AVEN: variants seen among roughly 807,000 people sequenced by gnomAD.
AVEN encodes the protein cell death regulator Aven.
A neutral mutation model predicts 38.1 loss-of-function variants in AVEN; 41 were observed. That is an observed-to-expected ratio of 1.08 (90% CI 0.84 to 1.40). The LOEUF is 1.40. AVEN is among the 40% of genes most tolerant of loss of function. The pLI, the probability that AVEN is intolerant of heterozygous loss-of-function variation, is 0.00. For missense variants in AVEN, 605 were observed against 438.8 expected, an observed-to-expected ratio of 1.38 and a Z score of -3.38; for synonymous variants, 206 against 171.8, an observed-to-expected ratio of 1.20 and a Z score of -1.56.
chr15:33,964,487 T>C (rs191072412), intron 2 of AVEN, among the ~76,000 whole-genome samples: 28 of 152,268 alleles, frequency 1.8e-4, no homozygotes, highest in South Asian at 2.1e-4. Context: ...AATCTTTTTT[T>C]CTCCAACAAA....
chr15:33,949,200 T>C (rs1038501342), intron 2 of AVEN, among the ~76,000 whole-genome samples: 1 of 151,102 alleles, frequency 6.6e-6, no homozygotes, highest in Non-Finnish European at 1.5e-5. Flanking sequence ...ATTTTTTGCA[T>C]TTTTTTTAGT....
intron 2 of AVEN, among the ~76,000 whole-genome samples, chr15:33,903,758 A>G (rs1373680296): frequency 7.9e-6 from 1 of 126,946 alleles, no homozygotes; most frequent in Non-Finnish European, 1.8e-5. Context: ...TATATATTGT[A>G]TATGTGTATA....
At chr15:34,019,438 TA>T (rs924369477) in intron 1 of AVEN, among the ~76,000 whole-genome samples, 1 of 152,176 alleles carries the variant, frequency 6.6e-6, no homozygotes, top group African/African-American at 2.4e-5. Context: ...GCTAATTATT[TA>T]AAAAAAGCAT....
At chr15:33,868,249 C>A (rs147818818) in intron 4 of AVEN, among the ~76,000 whole-genome samples, 1 of 152,090 alleles carries the variant, frequency 6.6e-6, no homozygotes, top group Non-Finnish European at 1.5e-5. Flanking sequence ...AGTGGCCAGG[C>A]GCAGTGGCTC....
At chr15:33,978,098 T>C (rs1363478255) in intron 2 of AVEN, among the ~76,000 whole-genome samples, 1 of 152,070 alleles carries the variant, frequency 6.6e-6, no homozygotes, top group Non-Finnish European at 1.5e-5. Flanking sequence ...ACTATGTCTA[T>C]ATAAAACTAT....
At chr15:33,878,094 A>C (rs1279593835) in intron 2 of AVEN, among the ~76,000 whole-genome samples, 1 of 152,234 alleles carries the variant, frequency 6.6e-6, no homozygotes, top group Non-Finnish European at 1.5e-5. Flanking sequence ...AAAAAGGAAG[A>C]CAAAAAACTC....
intron 2 of AVEN, among the ~76,000 whole-genome samples, chr15:33,888,921 T>G (rs1891822154): frequency 2.0e-5 from 3 of 151,956 alleles, no homozygotes; most frequent in Admixed American, 2.0e-4. Flanking sequence ...CCAGCTAAAG[T>G]TGGCCAGGAT....
upstream of AVEN, among the ~76,000 whole-genome samples, chr15:34,041,828 TAGTA>T (rs1281804822): frequency 3.3e-5 from 5 of 152,214 alleles, no homozygotes; most frequent in Admixed American, 1.3e-4. Context: ...TTGCTCAAGC[TAGTA>T]AGTAACAGAA....
chr15:33,989,306 G>A (rs1896616285), intron 2 of AVEN, among the ~76,000 whole-genome samples: 1 of 151,940 alleles, frequency 6.6e-6, no homozygotes, highest in African/African-American at 2.4e-5. Context: ...TAACCCAACA[G>A]TTTGTTTCTC....
At chr15:33,968,099 TAAAAAAAAAAAAA>T (rs71119906) in intron 2 of AVEN, among the ~76,000 whole-genome samples, 2 of 25,852 alleles carry the variant, frequency 7.7e-5, no homozygotes, top group African/African-American at 1.1e-4. Context: ...TAGCAAAGCT[TAAAAAAAAAAAAA>T]AAAAAAAAAA....
chr15:33,900,833 AG>A (rs1355244271), intron 2 of AVEN, among the ~76,000 whole-genome samples: 1 of 152,074 alleles, frequency 6.6e-6, no homozygotes, highest in Non-Finnish European at 1.5e-5. Flanking sequence ...GCCAACGAAC[AG>A]TTTTTTGTGT....
chr15:33,935,377 T>G lies in AVEN; in HGVS notation c.446-59382A>C, dbSNP rs143541200. Among the ~76,000 whole-genome samples the G allele has an allele frequency of 8.1e-3, 1,240 of 152,314 alleles. 10 individuals carry two copies. Among genetic ancestry groups the G allele is most frequent in the Non-Finnish European group, 0.014 (953 of 68,020 alleles). ...GTCCCAAACTGGAGAATGTTTGTAA[T>G]GTGGTTTGTAATTCACATAAGGATC... On this transcript the variant is annotated intron_variant, in intron 2 of 5. Coordinates refer to ENST00000306730, the MANE Select transcript of AVEN (RefSeq NM_020371.3).
In AVEN at chr15:34,063,144, A is replaced by C; in HGVS notation, n.1415T>G. ...ACCCTTGACATATCGGGCCAAGCGT[A>C]CTCCGAAAAGGGCTGGCATCATGAT... On this transcript the variant is annotated non_coding_transcript_exon_variant, in exon 5 of 12. Transcript: ENST00000675287. This position sits in a 1 kb window ranked among gnomAD's most constrained non-coding sequence, Gnocchi z 4.1. 6.2e-7 allele frequency: 1 copy of C among 1,614,044 alleles called. No homozygotes were observed. Among genetic ancestry groups the C allele is most frequent in the Non-Finnish European group, 8.5e-7 (1 of 1,180,010 alleles).
At chr15:33,969,693 G>A (rs1044600593) in intron 2 of AVEN, among the ~76,000 whole-genome samples, 6 of 152,026 alleles carry the variant, frequency 3.9e-5, no homozygotes, top group Admixed American at 3.3e-4. Flanking sequence ...ACTCTTGTAG[G>A]ATAGGGCTAA....
chr15:34,030,372 G>A (rs1307938529), intron 1 of AVEN, among the ~76,000 whole-genome samples: 2 of 152,116 alleles, frequency 1.3e-5, no homozygotes, highest in South Asian at 4.1e-4. Context: ...TTGAGACGGA[G>A]TCTTGCTCTG....
At chr15:33,911,704 T>C (rs1895613) in intron 2 of AVEN, among the ~76,000 whole-genome samples, 47,215 of 152,110 alleles carry the variant, frequency 0.31, 9,144 homozygotes, top group East Asian at 0.46. Context: ...GCATATATTA[T>C]TTAAGCATTA....
intron 2 of AVEN, among the ~76,000 whole-genome samples, chr15:33,943,456 A>C (rs967668512): frequency 6.9e-6 from 1 of 145,814 alleles, no homozygotes; most frequent in Non-Finnish European, 1.5e-5. Context: ...GCTGGGAGGG[A>C]GGGCAAACAA....
chr15:34,068,779 G>A (rs1900569378), intron 2 of AVEN, among the ~76,000 whole-genome samples: 1 of 149,568 alleles, frequency 6.7e-6, no homozygotes, highest in Non-Finnish European at 1.5e-5. Context: ...TGTCTTTCAT[G>A]ATATAGTCAT....
At chr15:33,971,640 CATA>C (rs1895642572) in intron 2 of AVEN, among the ~76,000 whole-genome samples, 1 of 151,912 alleles carries the variant, frequency 6.6e-6, no homozygotes, top group Non-Finnish European at 1.5e-5. Flanking sequence ...AGGGACATTG[CATA>C]ATATTTTTAA....
Sources: allele counts gnomAD v4.1 joint callset (sites outside exome capture counted in the v4.1 genomes callset), GRCh38; gene constraint gnomAD v4.1.1; non-coding constraint Gnocchi (gnomAD v3.1); transcripts MANE v1.5; gene names NCBI Gene and HGNC (gene_info 2026-07-23, HGNC 2026-07-21).